The following WBP1L variants were observed in gnomAD, a reference collection of about 807,000 sequenced individuals.
WBP1L encodes WW domain binding protein 1 like, also known as WW domain binding protein 1-like.
WBP1L carries 17 observed loss-of-function variants against 33.7 expected under a neutral mutation model. The observed-to-expected ratio is 0.50, with a 90% CI of 0.34 to 0.76. The LOEUF (loss-of-function observed/expected upper bound fraction) is 0.76. Ranked by LOEUF, WBP1L falls within the 30% of genes least tolerant of loss-of-function variation. WBP1L has a pLI of 0.01. For synonymous variants in WBP1L, 173 were observed against 190.8 expected (o/e 0.91, Z 0.77); for missense variants, 389 against 469.4 (o/e 0.83, Z 1.58).
intron 1 of WBP1L, among the ~76,000 whole-genome samples, chr10:102,754,966 T>C (rs1304334296): frequency 6.6e-6 from 1 of 151,996 alleles, no homozygotes; most frequent in Non-Finnish European, 1.5e-5. Flanking sequence ...CCTTTTTTTT[T>C]TGAGATGAAG....
Position 102,744,040 on chromosome 10 carries a change from G to GGAGC in WBP1L, c.-13_-10dup. ...GTGGCGGCGCCGTGGCGGAGGAGCAGGAGCAGGAGGGGGATGGAGAGGAGA... is the reference window on the plus strand; with the variant it reads ...GTGGCGGCGCCGTGGCGGAGGAGCAGGAGCGAGCAGGAGGGGGATGGAGAGGAGA... On this transcript the variant is annotated 5_prime_UTR_variant, in exon 1 of 4. Coordinates refer to ENST00000448841, the MANE Select transcript of WBP1L (RefSeq NM_001083913.2). 6.5e-7 allele frequency: 1 copy of GGAGC among 1,544,070 alleles called. No homozygotes were observed. The highest frequency in any genetic ancestry group is 8.8e-7 in the Non-Finnish European group (1 of 1,141,918).
chr10:102,781,050 A>G (rs1158599004), intron 1 of WBP1L, among the ~76,000 whole-genome samples: 2 of 152,208 alleles, frequency 1.3e-5, no homozygotes, highest in Non-Finnish European at 1.5e-5. Flanking sequence ...TTGTCATGGA[A>G]AGAGGCACAG....
intron 2 of WBP1L, chr10:102,804,141 C>G (rs1305588318): frequency 6.6e-6 from 1 of 152,050 alleles, no homozygotes; most frequent in African/African-American, 2.4e-5. Flanking sequence ...GTAATCCCAG[C>G]ACTTTGGGAG....
At chr10:102,768,371 G>GTTTTTTTTTTTTTTT (rs1192088947) in intron 1 of WBP1L, among the ~76,000 whole-genome samples, 5 of 12,218 alleles carry the variant, frequency 4.1e-4, no homozygotes, top group African/African-American at 2.2e-3. Context: ...TTAGTTTTTT[G>GTTTTTTTTTTTTTTT]TTTTTTTTTT....
intron 1 of WBP1L, among the ~76,000 whole-genome samples, chr10:102,797,078 A>G (rs1843582643): frequency 1.3e-5 from 2 of 152,254 alleles, no homozygotes; most frequent in Non-Finnish European, 2.9e-5. Context: ...ATGATCTAGC[A>G]GATTGAAATT....
At chr10:102,785,388 C>T (rs950538690) in intron 1 of WBP1L, among the ~76,000 whole-genome samples, 4 of 149,552 alleles carry the variant, frequency 2.7e-5, no homozygotes, top group East Asian at 2.0e-4. Context: ...GGGGTTTCAC[C>T]GTGTTAGCCA....
At chr10:102,764,199 T>C (rs1843080474) in intron 1 of WBP1L, among the ~76,000 whole-genome samples, 1 of 152,200 alleles carries the variant, frequency 6.6e-6, no homozygotes, top group African/African-American at 2.4e-5. Context: ...ATGGTGCCTC[T>C]CACTGGTGAG....
At chr10:102,783,810 T>A (rs1843370794) in intron 1 of WBP1L, among the ~76,000 whole-genome samples, 1 of 152,204 alleles carries the variant, frequency 6.6e-6, no homozygotes, top group South Asian at 2.1e-4. Flanking sequence ...TCAGTAGGGC[T>A]AAGGTGGAGA....
At chr10:102,806,687 G>A (rs1186460883) in intron 2 of WBP1L, among the ~76,000 whole-genome samples, 1 of 152,186 alleles carries the variant, frequency 6.6e-6, no homozygotes, top group African/African-American at 2.4e-5. Flanking sequence ...TTCTCTTGCT[G>A]CAAGGCTGCA....
In WBP1L at chr10:102,743,955, A is replaced by C. The variant is rs1215726027; in HGVS notation, c.-99A>C. On this transcript the variant is annotated 5_prime_UTR_variant, in exon 1 of 4. Transcript: ENST00000448841. ...CGGAAGCGGGAGGGGAGCGTCAAAC[A>C]GGAAAAGAAGGGAAGAAGGAAGAAG... is the stretch of plus-strand genomic sequence containing the variant. 2.1e-6 allele frequency: 2 copies of C among 968,068 alleles called. No individual in the cohort carries two copies. The highest frequency in any genetic ancestry group is 1.5e-6 in the Non-Finnish European group (1 of 656,000). 60.0% of individuals were successfully genotyped at this position (968,068 alleles called of 1,614,324 possible).
rs901591882 is a variant in WBP1L at position 102,814,843 on chromosome 10, C to T, written c.*1512C>T. The T allele has an allele frequency of 4.6e-5, 7 of 152,296 alleles. No individual in the cohort carries two copies. Among genetic ancestry groups the T allele is most frequent in the Admixed American group, 1.3e-4 (2 of 15,256 alleles). The allele number at this position is 152,296 out of a possible 1,614,324, so 9.4% of individuals were successfully genotyped here. A position where few individuals can be genotyped will look rare whatever the true frequency, so the allele number is the denominator to read the frequency against. On this transcript the variant is annotated 3_prime_UTR_variant, in exon 4 of 4. Transcript: ENST00000448841. ...CTCTTGAACGATGATGATATTCAGA[C>T]GAAGCATTGATGTTATGGAAGAAAG...
chr10:102,775,786 G>A (rs1843253528), intron 1 of WBP1L, among the ~76,000 whole-genome samples: 1 of 152,078 alleles, frequency 6.6e-6, no homozygotes, highest in African/African-American at 2.4e-5. Context: ...GGGTGGGGGT[G>A]GAAAAGTTTC....
At chr10:102,789,998 A>G (rs1170066178) in intron 1 of WBP1L, among the ~76,000 whole-genome samples, 1 of 152,076 alleles carries the variant, frequency 6.6e-6, no homozygotes, top group Non-Finnish European at 1.5e-5. Flanking sequence ...TTGGCCTCCC[A>G]AAGTGCTGGG....
intron 1 of WBP1L, among the ~76,000 whole-genome samples, chr10:102,767,574 G>A (rs1843129125): frequency 6.6e-6 from 1 of 152,096 alleles, no homozygotes; most frequent in Non-Finnish European, 1.5e-5. Context: ...ATGACATGGG[G>A]TGGAGTCAGG....
chr10:102,802,757 A>G (rs905804402), intron 2 of WBP1L, among the ~76,000 whole-genome samples: 1 of 152,156 alleles, frequency 6.6e-6, no homozygotes, highest in African/African-American at 2.4e-5. Context: ...CAGCCTCCCA[A>G]AGTGCTGGGA....
At position 102,771,676 on chromosome 10, in the gene WBP1L, C is replaced by T. The variant is rs564968972; in HGVS notation, c.91-26317C>T. On this transcript the variant is annotated intron_variant, in intron 1 of 3. Transcript: ENST00000448841. Reference sequence around the variant, plus strand: ...GACAAAAATTAGCTGGGAGTGGTGGCGCACACTTGTAGTCCCAGCTACTTG... The same window carrying T: ...GACAAAAATTAGCTGGGAGTGGTGGTGCACACTTGTAGTCCCAGCTACTTG... Among the ~76,000 whole-genome samples the T allele has an allele frequency of 7.2e-5, 11 of 151,828 alleles. No individual in the cohort carries two copies. In the South Asian group the frequency reaches 1.9e-3, roughly 26 times the overall value.
At chr10:102,757,256 C>G (rs956174649) in intron 1 of WBP1L, among the ~76,000 whole-genome samples, 1 of 152,122 alleles carries the variant, frequency 6.6e-6, no homozygotes, top group Non-Finnish European at 1.5e-5. Context: ...AATTCCTGGC[C>G]TCAAGTGCTT....
intron 1 of WBP1L, among the ~76,000 whole-genome samples, chr10:102,775,117 CAAAAA>C (rs59486422): frequency 8.0e-4 from 78 of 97,290 alleles, no homozygotes; most frequent in Admixed American, 1.9e-3. Flanking sequence ...GACCCTATCT[CAAAAA>C]AAAAAAAAAA....
At chr10:102,770,763 C>T (rs1441930706) in intron 1 of WBP1L, among the ~76,000 whole-genome samples, 1 of 152,326 alleles carries the variant, frequency 6.6e-6, no homozygotes, top group East Asian at 1.9e-4. Context: ...GCATGGCAGT[C>T]TCATAAACAG....
Sources: allele counts gnomAD v4.1 joint callset (sites outside exome capture counted in the v4.1 genomes callset), GRCh38; gene constraint gnomAD v4.1.1; transcripts MANE v1.5; gene names NCBI Gene and HGNC (gene_info 2026-07-23, HGNC 2026-07-21).